PLCL1: variants seen among roughly 807,000 people sequenced by gnomAD.
PLCL1 encodes phospholipase C like 1 (inactive).
Under a neutral mutation model 84.4 loss-of-function variants are expected in PLCL1, and 41 were observed. The observed-to-expected ratio is 0.49, with a 90% CI of 0.38 to 0.63. The LOEUF is 0.63. PLCL1 is among the 30% of genes least tolerant of loss of function. PLCL1 has a pLI of 0.00. For synonymous variants in PLCL1, 490 were observed against 488.3 expected, an observed-to-expected ratio of 1.00 and a Z score of -0.05; for missense variants, 1,206 against 1,367.8, an observed-to-expected ratio of 0.88 and a Z score of 1.87.
chr2:198,116,785 C>T (rs905480520), intron 5 of PLCL1, among the ~76,000 whole-genome samples: 2 of 151,702 alleles, frequency 1.3e-5, no homozygotes, highest in Non-Finnish European at 2.9e-5. Flanking sequence ...AGAATCCTTC[C>T]CTATGCAGTG....
At chr2:197,921,835 G>T (rs1688703323) in intron 1 of PLCL1, among the ~76,000 whole-genome samples, 1 of 151,786 alleles carries the variant, frequency 6.6e-6, no homozygotes, top group African/African-American at 2.4e-5. Flanking sequence ...TCTTTTACTG[G>T]GTATCTCATA....
At chr2:198,123,524 T>G (rs1693919447) in intron 5 of PLCL1, among the ~76,000 whole-genome samples, 1 of 151,966 alleles carries the variant, frequency 6.6e-6, no homozygotes, top group Non-Finnish European at 1.5e-5. Flanking sequence ...AGGAAGACCA[T>G]GTGAAGACAT....
intron 5 of PLCL1, among the ~76,000 whole-genome samples, chr2:198,113,933 A>G (rs569677004): frequency 1.3e-5 from 2 of 151,954 alleles, no homozygotes; most frequent in Admixed American, 1.3e-4. Flanking sequence ...AATAGCTTAT[A>G]GTTACAGAGG....
At chr2:198,034,992 C>T (rs61244438) in intron 1 of PLCL1, among the ~76,000 whole-genome samples, 3,647 of 152,198 alleles carry the variant, frequency 0.024, 167 homozygotes, top group African/African-American at 0.083. Context: ...TTTCATGTCT[C>T]GTCATGGTAT....
At chr2:197,953,210 GCTT>G (rs544748830) in intron 1 of PLCL1, among the ~76,000 whole-genome samples, 36 of 152,192 alleles carry the variant, frequency 2.4e-4, no homozygotes, top group Admixed American at 1.2e-3. Context: ...TGACTCTGAA[GCTT>G]CTTTTGTCTA....
intron 1 of PLCL1, among the ~76,000 whole-genome samples, chr2:197,884,477 G>T (rs549702517): frequency 3.3e-5 from 5 of 152,298 alleles, no homozygotes; most frequent in African/African-American, 1.2e-4. Context: ...GGGAAATGTA[G>T]TCTTTTAGCT....
At chr2:197,842,278 T>C (rs928751338) in intron 1 of PLCL1, among the ~76,000 whole-genome samples, 1 of 152,146 alleles carries the variant, frequency 6.6e-6, no homozygotes. Flanking sequence ...TTCTCCTTGA[T>C]GCCTCCTTCT....
At position 197,919,492 on chromosome 2, in the gene PLCL1, G is replaced by A. The variant is rs555467285; in HGVS notation, c.240+114153G>A. On this transcript the variant is annotated intron_variant, in intron 1 of 5. Transcript: ENST00000428675. ...CCACCTCCTTGACAATTCTAATGATGTTCCTGTGTCTTCAAAACCCCCACT... is the reference window on the plus strand; with the variant it reads ...CCACCTCCTTGACAATTCTAATGATATTCCTGTGTCTTCAAAACCCCCACT... Among the ~76,000 whole-genome samples, 6 of 152,326 alleles carry A rather than the reference G, an allele frequency of 3.9e-5. No individual in the cohort carries two copies. In the South Asian group the frequency reaches 1.0e-3, roughly 26 times the overall value.
intron 1 of PLCL1, among the ~76,000 whole-genome samples, chr2:197,988,651 C>A (rs1690270268): frequency 6.6e-6 from 1 of 152,124 alleles, no homozygotes; most frequent in Admixed American, 6.5e-5. Context: ...GGTTCCATAT[C>A]TTTGCAATTG....
chr2:197,961,906 A>G (rs1158818018), intron 1 of PLCL1, among the ~76,000 whole-genome samples: 2 of 152,090 alleles, frequency 1.3e-5, no homozygotes, highest in Non-Finnish European at 2.9e-5. Flanking sequence ...AAATAAATGG[A>G]CTGGGAGGAA....
intron 1 of PLCL1, among the ~76,000 whole-genome samples, chr2:198,035,905 G>T: frequency 6.6e-6 from 1 of 152,102 alleles, no homozygotes; most frequent in Non-Finnish European, 1.5e-5. Context: ...GGCATGGGGT[G>T]TGCACCTGTA....
chr2:197,851,150 A>G (rs758352105), intron 1 of PLCL1, among the ~76,000 whole-genome samples: 2 of 152,170 alleles, frequency 1.3e-5, no homozygotes, highest in South Asian at 4.1e-4. Context: ...TTCTCTTGCT[A>G]TTTTATTTTC....
At chr2:197,838,505 T>G (rs1691233836) in intron 1 of PLCL1, among the ~76,000 whole-genome samples, 2 of 152,190 alleles carry the variant, frequency 1.3e-5, no homozygotes, top group Non-Finnish European at 2.9e-5. Context: ...TGTTTTAACT[T>G]GAAAAGTACT....
At chr2:197,841,643 T>C (rs976661452) in intron 1 of PLCL1, among the ~76,000 whole-genome samples, 8 of 152,248 alleles carry the variant, frequency 5.3e-5, no homozygotes, top group Non-Finnish European at 1.0e-4. Flanking sequence ...TACTTCTGAG[T>C]TTTGGCAATT....
intron 3 of PLCL1, among the ~76,000 whole-genome samples, chr2:198,093,260 A>G (rs530481286): frequency 6.6e-6 from 1 of 152,318 alleles, no homozygotes; most frequent in African/African-American, 2.4e-5. Flanking sequence ...AATGTACAAC[A>G]CAAAGAGTCA....
intron 1 of PLCL1, among the ~76,000 whole-genome samples, chr2:198,081,352 T>A (rs1047717528): frequency 6.6e-6 from 1 of 152,194 alleles, no homozygotes; most frequent in Admixed American, 6.5e-5. Context: ...TTCACAGTTT[T>A]CTTCTTTATT....
intron 1 of PLCL1, among the ~76,000 whole-genome samples, chr2:197,994,517 A>G (rs888692600): frequency 2.3e-4 from 35 of 152,342 alleles, no homozygotes; most frequent in African/African-American, 7.9e-4. Flanking sequence ...TGGGGATATA[A>G]GATATGCTTT....
rs531398756 is a variant in PLCL1, at chr2:197,810,648, A to G, written c.240+5309A>G. 6.6e-4 allele frequency among the ~76,000 whole-genome samples: 100 copies of G among 152,318 alleles called. 1 individual carries two copies. The highest frequency in any genetic ancestry group is 2.4e-3 in the African/African-American group (98 of 41,564). On this transcript the variant is annotated intron_variant, in intron 1 of 5. Transcript: ENST00000428675. ...ATGAAAAGATATCAGGAGACAGCCG[A>G]CCTTACCTTGGTGCTACTGAACAAG...
chr2:197,926,632 AAGT>A (rs1008192547), intron 1 of PLCL1, among the ~76,000 whole-genome samples: 1 of 152,216 alleles, frequency 6.6e-6, no homozygotes, highest in Non-Finnish European at 1.5e-5. Context: ...ATAAGATCAA[AAGT>A]AGTATTTTTA....
Sources: gnomAD v4.1 joint callset for allele counts (sites outside exome capture counted in the v4.1 genomes callset) on GRCh38, gnomAD v4.1.1 for gene constraint, MANE v1.5 for transcripts, NCBI Gene and HGNC (gene_info 2026-07-23, HGNC 2026-07-21) for gene names.